The following CENATAC variants were observed in gnomAD, a reference collection of about 807,000 sequenced individuals.
CENATAC encodes coiled-coil domain containing 84.
CENATAC carries 53 observed loss-of-function variants against 53.7 expected under a neutral mutation model. That is an observed-to-expected ratio of 0.99 (90% CI 0.79 to 1.24). The LOEUF is 1.24. Ranked by LOEUF, CENATAC falls within the 50% of genes most tolerant of loss-of-function variation. The probability of loss-of-function intolerance (pLI) is 0.00; values close to 1 mark genes in which losing one functional copy is unlikely to be tolerated. For missense variants in CENATAC, 474 were observed against 417.8 expected, an observed-to-expected ratio of 1.13 and a Z score of -1.17; for synonymous variants, 156 against 144.6, an observed-to-expected ratio of 1.08 and a Z score of -0.57.
intron 3 of CENATAC, among the ~76,000 whole-genome samples, chr11:119,008,606 GGA>G (rs782688716): frequency 1.3e-5 from 2 of 152,140 alleles, no homozygotes; most frequent in African/African-American, 2.4e-5. Flanking sequence ...GGGGCAAGCA[GGA>G]GATAGTGGCC....
intron 3 of CENATAC, among the ~76,000 whole-genome samples, chr11:119,009,380 C>T (rs1264042460): frequency 6.6e-6 from 1 of 152,158 alleles, no homozygotes; most frequent in African/African-American, 2.4e-5. Context: ...CCGTCTCGGC[C>T]TCCCAAAGTG....
chr11:118,998,213 C>G lies in CENATAC; in HGVS notation c.16C>G (p.Arg6Gly). 4 of 1,581,784 alleles carry G rather than the reference C, an allele frequency of 2.5e-6. No individual in the cohort carries two copies. The highest frequency in any genetic ancestry group is 3.4e-6 in the Non-Finnish European group (4 of 1,165,130). ...TACCCGGGCTATGGCGCCGGCGCAG[C>G]GCTGCCCTCTGTGCCGCCAGACCTT... is the stretch of plus-strand genomic sequence containing the variant. The part of the protein sequence containing the change: MAPAQ[R>G]CPLCRQTFFC... Residue 6 changes from arginine to glycine, a missense_variant, in exon 1 of 11, where the codon CGC becomes GGC. Arg to Gly is a moderately radical substitution (Grantham distance 125, BLOSUM62 -2). Transcript: ENST00000334418.
intron 8 of CENATAC, among the ~76,000 whole-genome samples, 200 bp downstream of exon 8, chr11:119,013,462 ATTTTTTTT>A: frequency 7.9e-6 from 1 of 126,648 alleles, no homozygotes; most frequent in East Asian, 2.2e-4. Flanking sequence ...CACCCAGCTA[ATTTTTTTT>A]TTTTTTTTTT....
At position 119,015,317 on chromosome 11, in the gene CENATAC, G is replaced by T; in HGVS notation, c.816G>T (p.Gln272His). ...CCTATCATTGTACAGAGGAAAAACA[G>T]AAGTTGAAAAAACTCCCCCCAGACC... ...YEEFLKEKEKQKLKKLPPDRV... is the reference protein window; with the variant it reads ...YEEFLKEKEKHKLKKLPPDRV... Residue 272 changes from glutamine to histidine, a missense_variant, in exon 10 of 11, where the codon CAG becomes CAT. Gln to His is a conservative substitution (Grantham distance 24, BLOSUM62 0). Coordinates refer to ENST00000334418, the MANE Select transcript of CENATAC (RefSeq NM_198489.3). The T allele has an allele frequency of 6.2e-7, 1 of 1,611,346 alleles. No individual in the cohort carries two copies. Among genetic ancestry groups the T allele is most frequent in the Non-Finnish European group, 8.5e-7 (1 of 1,179,266 alleles).
chr11:118,998,576 G>A lies in CENATAC; in HGVS notation c.267G>A (p.Leu89=), dbSNP rs1276389385. ...HGNLTVLYGG[L]LEHLASPEHK... ...ACCTGACGGTGCTGTACGGGGGGCT[G>A]CTGGAGCATCTGGCCAGGTGAGAGC... is the stretch of plus-strand genomic sequence containing the variant. Residue 89 remains leucine, a synonymous_variant, in exon 2 of 11, where the codon CTG becomes CTA. Coordinates refer to ENST00000334418, the MANE Select transcript of CENATAC (RefSeq NM_198489.3). 6.4e-7 allele frequency: 1 copy of A among 1,568,214 alleles called. No homozygotes were observed. Among genetic ancestry groups the A allele is most frequent in the Non-Finnish European group, 8.7e-7 (1 of 1,155,832 alleles).
At chr11:119,012,919 T>C (rs1015784241) in intron 7 of CENATAC, 6 of 302,420 alleles carry the variant, frequency 2.0e-5, no homozygotes, top group Admixed American at 4.9e-5. Flanking sequence ...GTAATTTACG[T>C]AACTTGTGCT....
At chr11:119,015,280 A>G (rs1368073860) in intron 9 of CENATAC, 27 bp from the exon 10 acceptor site, 1 of 1,583,244 alleles carries the variant, frequency 6.3e-7, no homozygotes, top group East Asian at 2.2e-5. Context: ...AATAAAGAAA[A>G]ATAAAAGTTT....
intron 3 of CENATAC, among the ~76,000 whole-genome samples, chr11:119,001,329 TTTCTC>T (rs1942283137): frequency 6.6e-6 from 1 of 152,222 alleles, no homozygotes; most frequent in African/African-American, 2.4e-5. Context: ...TTTATTTTCA[TTTCTC>T]TTGACCGCGA....
In CENATAC at chr11:118,998,152, G is replaced by A. The variant is rs1389014795; in HGVS notation, c.-46G>A. 5 of 1,555,532 alleles carry A rather than the reference G, an allele frequency of 3.2e-6. No homozygotes were observed. Among genetic ancestry groups the A allele is most frequent in the South Asian group, 1.2e-5 (1 of 84,790 alleles). On this transcript the variant is annotated 5_prime_UTR_variant, in exon 1 of 11. The change abolishes an upstream ATG in the 5' untranslated region. Coordinates refer to ENST00000334418, the MANE Select transcript of CENATAC (RefSeq NM_198489.3). ...GGGTCAGGGTCAGAGGCCGCCGGAT[G>A]GCGTAGGATCGGCCGCTGGTGGTGG... is the stretch of plus-strand genomic sequence containing the variant.
chr11:118,999,031 C>T lies in CENATAC; in HGVS notation c.305C>T (p.Thr102Ile), dbSNP rs140617350. 4.4e-4 allele frequency: 715 copies of T among 1,614,030 alleles called. 4 individuals are homozygous for T. The highest frequency in any genetic ancestry group is 8.2e-4 in the Middle Eastern group (5 of 6,062). Residue 102 changes from threonine to isoleucine, a missense_variant, in exon 3 of 11, where the codon ACC (threonine) becomes ATC (isoleucine). By Grantham distance (89) the Thr-to-Ile change is moderately conservative. Transcript: ENST00000334418. ...HLASPEHKKA[T>I]NKFWWENKAE... ...TTCAGCCCAGAGCACAAGAAAGCAA[C>T]CAACAAATTCTGGTGGGAGAACAAA...
In CENATAC at chr11:118,998,372, C is replaced by T; in HGVS notation, c.120+55C>T. 8 of 1,611,908 alleles carry T rather than the reference C, an allele frequency of 5.0e-6. No individual in the cohort carries two copies. In the Middle Eastern group the frequency reaches 6.6e-4, roughly 133 times the overall value. On this transcript the variant is annotated intron_variant, in intron 1 of 10. Coordinates refer to ENST00000334418, the MANE Select transcript of CENATAC (RefSeq NM_198489.3). ...GAGTGCGGGGCAGGTCAGTGAAGGCCAGAGCGGGTGTGATTTGGGGGTCCC... is the reference window on the plus strand; with the variant it reads ...GAGTGCGGGGCAGGTCAGTGAAGGCTAGAGCGGGTGTGATTTGGGGGTCCC...
At chr11:119,014,775 TTA>T (rs546572822) in intron 8 of CENATAC, 235 of 394,308 alleles carry the variant, frequency 6.0e-4, no homozygotes, top group East Asian at 3.2e-3. Context: ...TGTGTATCGT[TTA>T]TGTCAGTTGT....
Position 119,012,002 on chromosome 11 carries a change from A to G in CENATAC, c.577A>G (p.Ser193Gly). The G allele has an allele frequency of 6.2e-7, 1 of 1,614,016 alleles. No homozygotes were observed. Among genetic ancestry groups the G allele is most frequent in the Non-Finnish European group, 8.5e-7 (1 of 1,179,916 alleles). The change falls in exon 6 of 11, where the codon AGC becomes GGC. Residue 193 changes from serine (S) to glycine (G), a missense_variant and splice_region_variant. Transcript: ENST00000334418. Reference sequence around the variant, plus strand: ...ACCTAGAAGCTGGAAAGGGATGAACAGGTAAGACTATTAGGGAATCTCTTG... The same window carrying G: ...ACCTAGAAGCTGGAAAGGGATGAACGGGTAAGACTATTAGGGAATCTCTTG... ...SAPRSWKGMN[S>G]QVASSLQQPS...
At chr11:119,013,355 G>A in intron 8 of CENATAC, 93 bp downstream of exon 8, 1 of 935,564 alleles carries the variant, frequency 1.1e-6, no homozygotes, top group Non-Finnish European at 1.7e-6. Flanking sequence ...GAGTGCAGTG[G>A]CGCAATCTCA....
intron 3 of CENATAC, 57 bp from the exon 4 acceptor site, chr11:119,010,707 T>A: frequency 2.7e-6 from 4 of 1,485,738 alleles, no homozygotes; most frequent in Non-Finnish European, 3.7e-6. Flanking sequence ...CTGAGGAGCT[T>A]TTCGTTTTAA....
At chr11:118,998,961 G>C in intron 2 of CENATAC, 50 bp from the exon 3 acceptor site, 1 of 1,393,724 alleles carries the variant, frequency 7.2e-7, no homozygotes, top group Non-Finnish European at 1.0e-6. Flanking sequence ...TAATATCTGA[G>C]TAATATTTTA....
chr11:118,999,603 C>T (rs944474132), intron 3 of CENATAC, among the ~76,000 whole-genome samples: 5 of 152,122 alleles, frequency 3.3e-5, no homozygotes, highest in African/African-American at 9.7e-5. Context: ...GGATTACAGG[C>T]GCAAACCACC....
At chr11:118,999,701 G>A (rs1942195110) in intron 3 of CENATAC, among the ~76,000 whole-genome samples, 1 of 152,038 alleles carries the variant, frequency 6.6e-6, no homozygotes, top group African/African-American at 2.4e-5. Flanking sequence ...GGAGTGCAGT[G>A]GCGCGATCTC....
Position 119,015,611 on chromosome 11 carries a change from C to G in CENATAC, c.*13C>G. The G allele has an allele frequency of 6.2e-7, 1 of 1,613,754 alleles. No individual in the cohort carries two copies. Among genetic ancestry groups the G allele is most frequent in the South Asian group, 1.1e-5 (1 of 91,082 alleles). ...AGAAAAAAGCTAATCATGCTCTCTA[C>G]CAACTACCATGAGGCTAAAAGCAAA... is the stretch of plus-strand genomic sequence containing the variant. On this transcript the variant is annotated 3_prime_UTR_variant, in exon 11 of 11. Transcript: ENST00000334418.
Sources: allele counts gnomAD v4.1 joint callset (sites outside exome capture counted in the v4.1 genomes callset), GRCh38; gene constraint gnomAD v4.1.1; transcripts MANE v1.5; gene names NCBI Gene and HGNC (gene_info 2026-07-23, HGNC 2026-07-21).